Variants in RORA observed in about 807,000 individuals in gnomAD.
The protein encoded by RORA is nuclear receptor ROR-alpha.
In RORA, 7 loss-of-function variants were observed where a neutral mutation model predicts 69.5. The observed-to-expected ratio is 0.10, with a 90% CI of 0.06 to 0.19. The LOEUF (loss-of-function observed/expected upper bound fraction) is 0.19, where lower values mean the gene tolerates loss of function less well. Ranked by LOEUF, RORA falls within the 10% of genes least tolerant of loss-of-function variation. The pLI, the probability that RORA is intolerant of heterozygous loss-of-function variation, is 1.00. For synonymous variants in RORA, 261 were observed against 240.8 expected (o/e 1.08, Z -0.78); for missense variants, 457 against 663.0 (o/e 0.69, Z 3.41).
At chr15:60,860,188 C>A (rs2073423768) in intron 1 of RORA, among the ~76,000 whole-genome samples, 2 of 152,288 alleles carry the variant, frequency 1.3e-5, no homozygotes, top group East Asian at 1.9e-4. Context: ...GATGACCATG[C>A]AAACCTTTAG....
chr15:60,542,515 A>AC (rs1567073077), intron 2 of RORA, among the ~76,000 whole-genome samples: 6 of 89,316 alleles, frequency 6.7e-5, no homozygotes, highest in Non-Finnish European at 2.2e-5. Context: ...CATCTCACAC[A>AC]TGGCACACAT....
chr15:61,199,868 C>T (rs1180184615), intron 1 of RORA, among the ~76,000 whole-genome samples: 1 of 152,152 alleles, frequency 6.6e-6, no homozygotes, highest in East Asian at 1.9e-4. Flanking sequence ...ACAGAAATAA[C>T]AACACAGAAC....
At chr15:60,982,363 T>C (rs1446444104) in intron 1 of RORA, among the ~76,000 whole-genome samples, 2 of 152,248 alleles carry the variant, frequency 1.3e-5, no homozygotes, top group Admixed American at 6.5e-5. Context: ...TTCAAAGACC[T>C]TATTCCCTAC....
chr15:60,934,240 C>T (rs1324937255), intron 1 of RORA, among the ~76,000 whole-genome samples: 1 of 152,234 alleles, frequency 6.6e-6, no homozygotes, highest in African/African-American at 2.4e-5. Context: ...AGCTTGGCAC[C>T]TGCCCTATGC....
rs1250475051 is a variant in RORA, at chr15:60,847,030, T to A, written c.167-168344A>T. Among the ~76,000 whole-genome samples the A allele has an allele frequency of 2.0e-5, 3 of 152,302 alleles. No homozygotes were observed. In the South Asian group the frequency reaches 6.2e-4, roughly 32 times the overall value. ...TTAATATCAGGGTCACAGCAAGAGCTCAAGAGAGCATGGGTATAGCTTAAA... is the reference window on the plus strand; with the variant it reads ...TTAATATCAGGGTCACAGCAAGAGCACAAGAGAGCATGGGTATAGCTTAAA... On this transcript the variant is annotated intron_variant, in intron 1 of 10. Coordinates refer to ENST00000335670, the MANE Select transcript of RORA (RefSeq NM_134261.3).
chr15:60,502,888 T>C, intron 7 of RORA, 21 bp from the exon 8 acceptor site: 1 of 1,417,830 alleles, frequency 7.1e-7, no homozygotes, highest in Non-Finnish European at 1.0e-6. Flanking sequence ...GCAGAAATGG[T>C]TTGGGTCATT....
At chr15:60,586,656 C>T (rs1481702112) in intron 2 of RORA, among the ~76,000 whole-genome samples, 1 of 152,148 alleles carries the variant, frequency 6.6e-6, no homozygotes, top group Non-Finnish European at 1.5e-5. Context: ...GAGTAACCTA[C>T]CTTTAAAGAT....
intron 1 of RORA, among the ~76,000 whole-genome samples, chr15:61,200,363 C>T (rs1004871404): frequency 6.6e-6 from 1 of 152,106 alleles, no homozygotes; most frequent in East Asian, 1.9e-4. Context: ...CAAAGGCATG[C>T]AGAGTGGTGT....
In RORA at chr15:60,511,088, G is replaced by T; in HGVS notation, c.820+138C>A. On this transcript the variant is annotated intron_variant, in intron 5 of 10. Transcript: ENST00000335670. The surrounding 1 kb of genome is among the most constrained non-coding windows in gnomAD (Gnocchi z 6.4). ...GCAGAGGGTCAAAAGCAAGGGGGCA[G>T]GGCAGAAAATTAAGTGGCCCAAATG... is the stretch of plus-strand genomic sequence containing the variant. 4 of 908,556 alleles carry T rather than the reference G, an allele frequency of 4.4e-6. No individual in the cohort carries two copies. Among genetic ancestry groups the T allele is most frequent in the East Asian group, 2.6e-5 (1 of 39,020 alleles). The allele number at this position is 908,556 out of a possible 1,614,324, so 56.3% of individuals were successfully genotyped here.
At chr15:60,883,515 A>G (rs942650610) in intron 1 of RORA, among the ~76,000 whole-genome samples, 11 of 152,276 alleles carry the variant, frequency 7.2e-5, no homozygotes, top group Admixed American at 3.9e-4. Context: ...ACTGAAGTCC[A>G]TGAGGCCAGG....
At chr15:61,037,392 A>G (rs1896510515) in intron 1 of RORA, among the ~76,000 whole-genome samples, 1 of 152,188 alleles carries the variant, frequency 6.6e-6, no homozygotes, top group Non-Finnish European at 1.5e-5. Flanking sequence ...GTATCCTCCC[A>G]CCATCATTTC....
chr15:60,746,604 G>T (rs140579898), intron 1 of RORA, among the ~76,000 whole-genome samples: 1 of 152,268 alleles, frequency 6.6e-6, no homozygotes, highest in Non-Finnish European at 1.5e-5. Context: ...ACCTTTGAAA[G>T]ACAAACCCAA....
At chr15:61,218,331 A>G (rs1457798181) in intron 1 of RORA, among the ~76,000 whole-genome samples, 1 of 151,856 alleles carries the variant, frequency 6.6e-6, no homozygotes, top group African/African-American at 2.4e-5. Flanking sequence ...AAGCTGAATG[A>G]CCCTTGTTTT....
intron 1 of RORA, among the ~76,000 whole-genome samples, chr15:60,726,709 G>A (rs1002645442): frequency 1.2e-4 from 18 of 152,142 alleles, no homozygotes; most frequent in Middle Eastern, 3.2e-3. Flanking sequence ...GTGGGTATGC[G>A]GGGAGACTAA....
intron 1 of RORA, among the ~76,000 whole-genome samples, chr15:60,681,271 T>A (rs551593396): frequency 6.6e-6 from 1 of 152,330 alleles, no homozygotes; most frequent in South Asian, 2.1e-4. Context: ...AAAGTTATAT[T>A]AAACTGGAAG....
At chr15:61,134,738 T>C (rs1440927120) in intron 1 of RORA, among the ~76,000 whole-genome samples, 1 of 152,130 alleles carries the variant, frequency 6.6e-6, no homozygotes, top group Non-Finnish European at 1.5e-5. Context: ...TGGCGCAGTA[T>C]ACATGACACA....
intron 5 of RORA, among the ~76,000 whole-genome samples, chr15:60,507,155 G>A (rs1346795210): frequency 6.6e-6 from 1 of 152,092 alleles, no homozygotes; most frequent in Non-Finnish European, 1.5e-5. Context: ...TTCTGGAAGG[G>A]AAGGATGATT....
chr15:60,720,152 C>T (rs1270724368), intron 1 of RORA, among the ~76,000 whole-genome samples: 1 of 152,084 alleles, frequency 6.6e-6, no homozygotes, highest in African/African-American at 2.4e-5. Context: ...AACACTAGGC[C>T]ATGACCTGCC....
chr15:60,760,064 A>G (rs1003070449), intron 1 of RORA, among the ~76,000 whole-genome samples: 3 of 152,162 alleles, frequency 2.0e-5, no homozygotes, highest in African/African-American at 7.2e-5. Flanking sequence ...TGAATATTTT[A>G]TAAAAAGTTC....
Sources: gnomAD v4.1 joint callset for allele counts (sites outside exome capture counted in the v4.1 genomes callset) on GRCh38, gnomAD v4.1.1 for gene constraint, Gnocchi (gnomAD v3.1) non-coding constraint, MANE v1.5 for transcripts, NCBI Gene and HGNC (gene_info 2026-07-23, HGNC 2026-07-21) for gene names.